CYP3A43: variants seen among roughly 807,000 people sequenced by gnomAD.
The protein encoded by CYP3A43 is cytochrome P450 3A43.
CYP3A43 carries 45 observed loss-of-function variants against 58.0 expected under a neutral mutation model. The observed-to-expected ratio is 0.78, with a 90% CI of 0.61 to 0.99. CYP3A43 has a LOEUF of 0.99. Among genes scored for constraint, CYP3A43 ranks in the 50% least tolerant of loss-of-function variants. The probability of loss-of-function intolerance (pLI) is 0.00; values close to 1 mark genes in which losing one functional copy is unlikely to be tolerated. For missense variants in CYP3A43, 593 were observed against 591.9 expected, an observed-to-expected ratio of 1.00 and a Z score of -0.02; for synonymous variants, 191 against 201.4, an observed-to-expected ratio of 0.95 and a Z score of 0.44.
intron 10 of CYP3A43, 125 bp downstream of exon 10, chr7:99,860,115 A>C (rs998735588): frequency 5.8e-6 from 7 of 1,204,146 alleles, no homozygotes; most frequent in African/African-American, 1.5e-5. Flanking sequence ...TACACTATGC[A>C]GAAAGGCTGT....
intron 6 of CYP3A43, among the ~76,000 whole-genome samples, chr7:99,848,605 G>T (rs1316727686): frequency 6.6e-6 from 1 of 152,158 alleles, no homozygotes; most frequent in Non-Finnish European, 1.5e-5. Flanking sequence ...GAAGGTGTTT[G>T]ATAGCTGTTG....
At chr7:99,852,120 G>A (rs927450638) in intron 7 of CYP3A43, among the ~76,000 whole-genome samples, 1 of 152,134 alleles carries the variant, frequency 6.6e-6, no homozygotes, top group African/African-American at 2.4e-5. Flanking sequence ...AGAGACATGT[G>A]GATGTATTCT....
chr7:99,861,675 G>C lies in CYP3A43; in HGVS notation c.1089G>C (p.Thr363=). 1 of 1,614,112 alleles carries C rather than the reference G, an allele frequency of 6.2e-7. No individual in the cohort carries two copies. The highest frequency in any genetic ancestry group is 8.5e-7 in the Non-Finnish European group (1 of 1,180,006). Residue 363 remains threonine, a synonymous_variant, in exon 11 of 13, where the codon ACG becomes ACC. Transcript: ENST00000354829. ...MEYLDMVVNE[T]LRLFPVVSRV... ...ACCTTGACATGGTGGTGAATGAAAC[G>C]CTCAGATTATTCCCAGTTGTTAGTA...
At chr7:99,837,149 CAAA>C (rs59738486) in intron 2 of CYP3A43, among the ~76,000 whole-genome samples, 24,285 of 80,446 alleles carry the variant, frequency 0.3, 4,604 homozygotes, top group African/African-American at 0.56. Flanking sequence ...ACTAAAAATA[CAAA>C]AAAAAAAAAA....
intron 1 of CYP3A43, among the ~76,000 whole-genome samples, chr7:99,834,120 A>G (rs1816964271): frequency 6.6e-6 from 1 of 152,242 alleles, no homozygotes; most frequent in Non-Finnish European, 1.5e-5. Context: ...GAGGAAATCT[A>G]AAGCCAGCCT....
At position 99,863,606 on chromosome 7, in the gene CYP3A43, C is replaced by G; in HGVS notation, c.1323C>G (p.Asn441Lys). 1 of 1,614,084 alleles carries G rather than the reference C, an allele frequency of 6.2e-7. No homozygotes were observed. Among genetic ancestry groups the G allele is most frequent in the Non-Finnish European group, 8.5e-7 (1 of 1,179,972 alleles). The change falls in exon 12 of 13, where the codon AAC becomes AAG. Residue 441 changes from asparagine (N) to lysine (K), a missense_variant. Asn to Lys is a moderately conservative substitution (Grantham distance 94). Transcript: ENST00000354829. ...TACCTTTTGGAGCTGGACCCCGAAACTGCATTGGCATGAGGTTTGCTCTCA... is the reference window on the plus strand; with the variant it reads ...TACCTTTTGGAGCTGGACCCCGAAAGTGCATTGGCATGAGGTTTGCTCTCA... ...RYIPFGAGPRNCIGMRFALTN... is the reference protein window; with the variant it reads ...RYIPFGAGPRKCIGMRFALTN...
At chr7:99,854,114 C>G (rs1280505405) in intron 7 of CYP3A43, among the ~76,000 whole-genome samples, 1 of 152,070 alleles carries the variant, frequency 6.6e-6, no homozygotes, top group Non-Finnish European at 1.5e-5. Context: ...TTCATTCTTT[C>G]TAACTATTTT....
rs1055233667 is a variant in CYP3A43, at chr7:99,861,520, C to T, written c.1027-93C>T. On this transcript the variant is annotated intron_variant, in intron 10 of 12. Coordinates refer to ENST00000354829, the MANE Select transcript of CYP3A43 (RefSeq NM_057095.3). ...ATCTTTTACCAGAATGAATTATTCT[C>T]TGGAGCTCCTAACACTTCAATAGTA... 6 of 1,027,490 alleles carry T rather than the reference C, an allele frequency of 5.8e-6. No individual in the cohort carries two copies. In the African/African-American group the frequency reaches 9.7e-5, roughly 17 times the overall value. The allele number at this position is 1,027,490 out of a possible 1,614,324, so 63.6% of individuals were successfully genotyped here.
In CYP3A43 at chr7:99,863,535, A is replaced by G; in HGVS notation, c.1254-2A>G. Reference sequence around the variant, plus strand: ...AGTTTTTATGTACTACTGTGAAAGTAGGTTCAGTAAGAAGAACAAGGACAG... The same window carrying G: ...AGTTTTTATGTACTACTGTGAAAGTGGGTTCAGTAAGAAGAACAAGGACAG... On this transcript the variant is annotated splice_acceptor_variant, in intron 11 of 12. Coordinates refer to ENST00000354829, the MANE Select transcript of CYP3A43 (RefSeq NM_057095.3). LOFTEE classifies it high-confidence loss of function. 2 of 1,592,974 alleles carry G rather than the reference A, an allele frequency of 1.3e-6. No individual in the cohort carries two copies. Among genetic ancestry groups the G allele is most frequent in the Non-Finnish European group, 8.5e-7 (1 of 1,172,648 alleles).
At chr7:99,850,454 G>T (rs142704868) in intron 7 of CYP3A43, among the ~76,000 whole-genome samples, 4,466 of 152,074 alleles carry the variant, frequency 0.029, 210 homozygotes, top group African/African-American at 0.1. Flanking sequence ...TAGAGACGGG[G>T]TTTCTCCATG....
chr7:99,845,734 T>C (rs1235771757), intron 4 of CYP3A43, among the ~76,000 whole-genome samples: 3 of 152,130 alleles, frequency 2.0e-5, no homozygotes, highest in Non-Finnish European at 2.9e-5. Context: ...TAACATCATG[T>C]AGAGGGATTA....
intron 1 of CYP3A43, among the ~76,000 whole-genome samples, chr7:99,832,446 G>A (rs1816882837): frequency 7.0e-6 from 1 of 143,262 alleles, no homozygotes; most frequent in Non-Finnish European, 1.5e-5. Context: ...GTGGCACCTC[G>A]ACCAAACACC....
chr7:99,857,775 G>A (rs957528016), intron 9 of CYP3A43, among the ~76,000 whole-genome samples: 10 of 152,196 alleles, frequency 6.6e-5, no homozygotes, highest in African/African-American at 1.9e-4. Context: ...CCAGGGAGGC[G>A]GAGGTTGCAG....
chr7:99,835,425 T>C (rs755315281), intron 1 of CYP3A43, among the ~76,000 whole-genome samples: 2 of 152,182 alleles, frequency 1.3e-5, no homozygotes, highest in Non-Finnish European at 2.9e-5. Flanking sequence ...TTTTTAGGAT[T>C]ATGAACATAT....
chr7:99,858,014 C>T (rs941131592), intron 9 of CYP3A43, among the ~76,000 whole-genome samples: 9 of 152,092 alleles, frequency 5.9e-5, no homozygotes, highest in African/African-American at 2.2e-4. Context: ...AACAGTCTAT[C>T]GTTTTGTTGC....
At chr7:99,833,519 G>A (rs543800828) in intron 1 of CYP3A43, among the ~76,000 whole-genome samples, 1 of 152,226 alleles carries the variant, frequency 6.6e-6, no homozygotes, top group Non-Finnish European at 1.5e-5. Context: ...GAAGGGAGGA[G>A]AGATAAGGCT....
At chr7:99,844,046 G>A (rs2151602180) in intron 3 of CYP3A43, 97 bp from the exon 4 acceptor site, 1 of 920,542 alleles carries the variant, frequency 1.1e-6, no homozygotes, top group South Asian at 1.6e-5. Context: ...AAGTATGGAT[G>A]ATGGAATGTC....
intron 3 of CYP3A43, 166 bp downstream of exon 3, chr7:99,839,338 G>T: frequency 2.4e-6 from 2 of 825,770 alleles, no homozygotes; most frequent in South Asian, 2.9e-5. Flanking sequence ...TGGGAATTGA[G>T]CATTGCAAGG....
intron 4 of CYP3A43, among the ~76,000 whole-genome samples, chr7:99,844,881 C>T (rs773308529): frequency 6.6e-6 from 1 of 151,900 alleles, no homozygotes. Context: ...CCATCCTGGC[C>T]AACATGGTGA....
Sources: gnomAD v4.1 joint callset for allele counts (sites outside exome capture counted in the v4.1 genomes callset) on GRCh38, gnomAD v4.1.1 for gene constraint, MANE v1.5 for transcripts, NCBI Gene and HGNC (gene_info 2026-07-23, HGNC 2026-07-21) for gene names.